The following CHAF1B variants were observed in gnomAD, a reference collection of about 807,000 sequenced individuals.
The protein encoded by CHAF1B is CAF-1 subunit B.
In CHAF1B, 10 loss-of-function variants were observed where a neutral mutation model predicts 60.7. The ratio of observed to expected loss-of-function variants is 0.16; its 90% CI spans 0.10 to 0.28. The LOEUF (loss-of-function observed/expected upper bound fraction) is 0.28, where lower values mean the gene tolerates loss of function less well. CHAF1B is among the 10% of genes least tolerant of loss of function. CHAF1B has a pLI of 1.00. For synonymous variants in CHAF1B, 261 were observed against 266.1 expected (o/e 0.98, Z 0.19); for missense variants, 558 against 708.4 (o/e 0.79, Z 2.41).
At chr21:36,394,422 C>A in intron 4 of CHAF1B, 125 bp from the exon 5 acceptor site, 1 of 665,932 alleles carries the variant, frequency 1.5e-6, no homozygotes. Context: ...GTTAGCCAGG[C>A]TGGCCTTGAA....
intron 10 of CHAF1B, 138 bp downstream of exon 10, chr21:36,409,603 T>C (rs942975251): frequency 6.7e-6 from 3 of 446,316 alleles, no homozygotes; most frequent in African/African-American, 6.1e-5. Context: ...TAAAAATATT[T>C]TATTTTTACA....
intron 7 of CHAF1B, among the ~76,000 whole-genome samples, chr21:36,401,537 T>A (rs2086190297): frequency 1.1e-5 from 1 of 88,206 alleles, no homozygotes; most frequent in South Asian, 3.6e-4. Flanking sequence ...TTTTATATTA[T>A]ACATAATATA....
chr21:36,413,248 A>G lies in CHAF1B; in HGVS notation c.1426A>G (p.Thr476Ala), dbSNP rs1568821203. Reference protein sequence around the residue: ...EKTLQPSSQNTKAHPSRRVTL... With the variant: ...EKTLQPSSQNAKAHPSRRVTL... ...GACCCTGCAGCCCAGTAGTCAAAAC[A>G]CAAAAGCCCACCCATCCCGGAGGGT... Residue 476 changes from threonine to alanine, a missense_variant, in exon 12 of 14, where the codon ACA becomes GCA. By Grantham distance (58) the Thr-to-Ala change is moderately conservative (BLOSUM62 0). Coordinates refer to ENST00000314103, the MANE Select transcript of CHAF1B (RefSeq NM_005441.3). 2.5e-6 allele frequency: 4 copies of G among 1,611,616 alleles called. No homozygotes were observed. The highest frequency in any genetic ancestry group is 3.4e-6 in the Non-Finnish European group (4 of 1,178,042).
chr21:36,402,199 G>C (rs937926784), intron 7 of CHAF1B, among the ~76,000 whole-genome samples: 4 of 152,170 alleles, frequency 2.6e-5, no homozygotes, highest in Non-Finnish European at 5.9e-5. Flanking sequence ...TGTGCCTGTA[G>C]TCCCAGGAGG....
In CHAF1B at chr21:36,394,643, C is replaced by G; in HGVS notation, c.474C>G (p.Val158=). ...ATAACACAGCCATCATATGGGATGTCAGCAAAGGTAAATGATATATTTTTG... is the reference window on the plus strand; with the variant it reads ...ATAACACAGCCATCATATGGGATGTGAGCAAAGGTAAATGATATATTTTTG... ...SVDNTAIIWD[V]SKGQKISIFN... Residue 158 remains valine (V), a synonymous_variant, in exon 5 of 14, where the codon GTC becomes GTG. Transcript: ENST00000314103. 1 of 1,600,002 alleles carries G rather than the reference C, an allele frequency of 6.2e-7. No homozygotes were observed. Among genetic ancestry groups the G allele is most frequent in the Non-Finnish European group, 8.5e-7 (1 of 1,169,620 alleles).
At chr21:36,409,793 C>T (rs117756678) in intron 10 of CHAF1B, among the ~76,000 whole-genome samples, 3,817 of 151,288 alleles carry the variant, frequency 0.025, 62 homozygotes, top group Middle Eastern at 0.038. Context: ...CCCCTGTGCC[C>T]GGCCTGGTTT....
chr21:36,415,805 T>G, intron 13 of CHAF1B: 2 of 398,776 alleles, frequency 5.0e-6, no homozygotes, highest in South Asian at 3.8e-5. Flanking sequence ...CAGGCTGGAA[T>G]GCAGTGGCAC....
Position 36,416,958 on chromosome 21 carries a change from C to A in CHAF1B, c.*592C>A, listed in dbSNP as rs2146380442. Reference sequence around the variant, plus strand: ...CCTCGTTAATGTTGTAGTATATTTCCTTAGCATTTTTGTGGATCTATTTAT... The same window carrying A: ...CCTCGTTAATGTTGTAGTATATTTCATTAGCATTTTTGTGGATCTATTTAT... On this transcript the variant is annotated 3_prime_UTR_variant, in exon 14 of 14. Transcript: ENST00000314103. The A allele has an allele frequency of 6.6e-6, 1 of 152,218 alleles. No individual in the cohort carries two copies. The highest frequency in any genetic ancestry group is 1.9e-4 in the East Asian group (1 of 5,178). The allele number at this position is 152,218 out of a possible 1,614,324, so 9.4% of individuals were successfully genotyped here.
intron 8 of CHAF1B, among the ~76,000 whole-genome samples, chr21:36,403,083 A>T (rs1264779414): frequency 6.6e-6 from 1 of 152,148 alleles, no homozygotes; most frequent in Non-Finnish European, 1.5e-5. Flanking sequence ...TTGGAATTTT[A>T]AGAAGATTTC....
intron 7 of CHAF1B, 118 bp from the exon 8 acceptor site, chr21:36,402,640 G>A: frequency 2.8e-6 from 2 of 718,816 alleles, no homozygotes; most frequent in East Asian, 2.5e-5. Flanking sequence ...AAAACCATAG[G>A]CACATATAGC....
At chr21:36,404,624 G>A (rs2086221466) in intron 8 of CHAF1B, among the ~76,000 whole-genome samples, 1 of 151,004 alleles carries the variant, frequency 6.6e-6, no homozygotes, top group Admixed American at 6.6e-5. Flanking sequence ...AGTAGAGACG[G>A]GGTTTCTCCA....
chr21:36,402,918 C>A, intron 8 of CHAF1B, 67 bp downstream of exon 8: 1 of 1,298,874 alleles, frequency 7.7e-7, no homozygotes, highest in Non-Finnish European at 1.1e-6. Flanking sequence ...CCGTTTTACG[C>A]TGCAGCTTAT....
chr21:36,399,625 T>C lies in CHAF1B; in HGVS notation c.663+20T>C. On this transcript the variant is annotated intron_variant, in intron 7 of 13. Coordinates refer to ENST00000314103, the MANE Select transcript of CHAF1B (RefSeq NM_005441.3). ...GGAGAGGTATAAAATATTTTGCCAT[T>C]CTTTTTCAGCAGCGCTTTAACTGAG... 1 of 1,604,522 alleles carries C rather than the reference T, an allele frequency of 6.2e-7. No individual in the cohort carries two copies. Among genetic ancestry groups the C allele is most frequent in the Non-Finnish European group, 8.5e-7 (1 of 1,171,282 alleles).
chr21:36,396,254 C>A (rs926328178), intron 5 of CHAF1B, among the ~76,000 whole-genome samples: 14 of 150,318 alleles, frequency 9.3e-5, no homozygotes, highest in Non-Finnish European at 2.1e-4. Context: ...CCTGCGTCGG[C>A]CTCCCAAAGT....
In CHAF1B at chr21:36,415,707, T is replaced by A. The variant is rs545787175; in HGVS notation, c.1588+318T>A. 1.4e-4 allele frequency: 62 copies of A among 456,356 alleles called. 1 individual carries two copies. Among genetic ancestry groups the A allele is most frequent in the South Asian group, 1.1e-3 (56 of 50,586 alleles). 28.3% of individuals were successfully genotyped at this position (456,356 alleles called of 1,614,324 possible). On this transcript the variant is annotated intron_variant, in intron 13 of 13. Transcript: ENST00000314103. ...GGACTGTCCTGTGTATTATGCGATG[T>A]TTAACAGCATCCCCGGCTGCTACTT...
chr21:36,392,860 C>T (rs1470192121), intron 4 of CHAF1B, among the ~76,000 whole-genome samples: 5 of 152,164 alleles, frequency 3.3e-5, no homozygotes, highest in African/African-American at 4.8e-5. Flanking sequence ...CCAAGGCAGG[C>T]GGCTGGGAGG....
At chr21:36,399,901 G>A (rs1378875104) in intron 7 of CHAF1B, among the ~76,000 whole-genome samples, 1 of 152,152 alleles carries the variant, frequency 6.6e-6, no homozygotes, top group Non-Finnish European at 1.5e-5. Context: ...GGTGCTGGCC[G>A]GGCGCCGTGG....
At chr21:36,385,970 TG>T in intron 1 of CHAF1B, 89 bp from the exon 2 acceptor site, 1 of 695,452 alleles carries the variant, frequency 1.4e-6, no homozygotes, top group Non-Finnish European at 2.4e-6. Context: ...CCTTTCCCAA[TG>T]CAGTGTGCAT....
rs2086326233 is a variant in CHAF1B, at chr21:36,417,209, CT to C, written c.*844del. 6.6e-6 allele frequency: 1 copy of C among 151,176 alleles called. No individual in the cohort carries two copies. The highest frequency in any genetic ancestry group is 2.4e-5 in the African/African-American group (1 of 40,990). The allele number at this position is 151,176 out of a possible 1,614,324, so 9.4% of individuals were successfully genotyped here. A position where few individuals can be genotyped will look rare whatever the true frequency, so the allele number is the denominator to read the frequency against. ...ACCTCAGCTTCCCGAGTAGCTGGGA[CT>C]ACAGGCATGTGCCACCATGCCATGC... On this transcript the variant is annotated 3_prime_UTR_variant, in exon 14 of 14. Transcript: ENST00000314103.
Sources: gnomAD v4.1 joint callset for allele counts (sites outside exome capture counted in the v4.1 genomes callset) on GRCh38, gnomAD v4.1.1 for gene constraint, MANE v1.5 for transcripts, NCBI Gene and HGNC (gene_info 2026-07-23, HGNC 2026-07-21) for gene names.